NAV3: variants seen among roughly 807,000 people sequenced by gnomAD.
NAV3 encodes the protein pore membrane and/or filament interacting like protein 1.
A neutral mutation model predicts 244.7 loss-of-function variants in NAV3; 87 were observed. The observed-to-expected ratio is 0.36, with a 90% CI of 0.30 to 0.42. NAV3 has a LOEUF of 0.42. Ranked by LOEUF, NAV3 falls within the 20% of genes least tolerant of loss-of-function variation. The pLI is 1.00. For synonymous variants in NAV3, 1,126 were observed against 1,042.2 expected (o/e 1.08, Z -1.55); for missense variants, 2,663 against 2,893.3 (o/e 0.92, Z 1.83).
chr12:77,654,637 CG>C (rs1345802621), intron 2 of NAV3, among the ~76,000 whole-genome samples: 1 of 152,154 alleles, frequency 6.6e-6, no homozygotes, highest in African/African-American at 2.4e-5. Flanking sequence ...GATCTGAGAA[CG>C]GGCAGACTGC....
chr12:77,781,302 T>C (rs1184292918), intron 2 of NAV3, among the ~76,000 whole-genome samples: 1 of 152,084 alleles, frequency 6.6e-6, no homozygotes, highest in Non-Finnish European at 1.5e-5. Flanking sequence ...CCTCCTCCCT[T>C]TTGGAATTCT....
chr12:77,885,986 A>G (rs188141056), intron 1 of NAV3, among the ~76,000 whole-genome samples: 43 of 152,232 alleles, frequency 2.8e-4, no homozygotes, highest in African/African-American at 8.9e-4. Context: ...AAGCCAAACA[A>G]CAAATCTTCA....
chr12:77,684,213 T>C (rs79975382), intron 2 of NAV3, among the ~76,000 whole-genome samples: 4,557 of 152,338 alleles, frequency 0.03, 222 homozygotes, highest in African/African-American at 0.1. Flanking sequence ...TATGTGTTTA[T>C]TGGCATTCAC....
intron 2 of NAV3, among the ~76,000 whole-genome samples, chr12:77,770,974 G>A (rs1870048752): frequency 6.6e-6 from 1 of 152,054 alleles, no homozygotes; most frequent in East Asian, 1.9e-4. Flanking sequence ...GCGTGAACAG[G>A]CAACCTACAA....
intron 9 of NAV3, among the ~76,000 whole-genome samples, chr12:78,028,390 A>G (rs1878430181): frequency 6.6e-6 from 1 of 152,210 alleles, no homozygotes; most frequent in Admixed American, 6.5e-5. Context: ...GTGAAAACAT[A>G]CATTGACTAG....
At chr12:78,085,443 A>C (rs1953583534) in intron 12 of NAV3, among the ~76,000 whole-genome samples, 1 of 152,184 alleles carries the variant, frequency 6.6e-6, no homozygotes, top group African/African-American at 2.4e-5. Context: ...TCACATGCCC[A>C]AGGCCAAAAG....
intron 2 of NAV3, among the ~76,000 whole-genome samples, chr12:77,771,100 G>A (rs559558983): frequency 4.2e-4 from 64 of 152,198 alleles, no homozygotes; most frequent in South Asian, 1.2e-3. Flanking sequence ...AAAAGTGGGC[G>A]AAGGATATGA....
At chr12:77,719,215 T>C (rs1876501244) in intron 2 of NAV3, among the ~76,000 whole-genome samples, 1 of 152,154 alleles carries the variant, frequency 6.6e-6, no homozygotes. Flanking sequence ...TTTTTTGAAA[T>C]CTTTAGGGCT....
At chr12:77,585,641 G>T (rs1869568989) in intron 2 of NAV3, among the ~76,000 whole-genome samples, 1 of 152,084 alleles carries the variant, frequency 6.6e-6, no homozygotes, top group Non-Finnish European at 1.5e-5. Context: ...TCACAGTAGG[G>T]TTCGTACTCA....
intron 2 of NAV3, among the ~76,000 whole-genome samples, chr12:77,661,695 A>C (rs73133990): frequency 0.036 from 5,505 of 152,116 alleles, 129 homozygotes; most frequent in Non-Finnish European, 0.055. Context: ...TTAGAAATAT[A>C]ATCTATTTTG....
chr12:78,057,742 T>G (rs1365204369), intron 11 of NAV3, among the ~76,000 whole-genome samples: 1 of 152,172 alleles, frequency 6.6e-6, no homozygotes, highest in African/African-American at 2.4e-5. Context: ...AAACATAGCT[T>G]GTTTAAGTGA....
intron 2 of NAV3, among the ~76,000 whole-genome samples, chr12:77,676,239 C>CT (rs1476847106): frequency 6.6e-6 from 1 of 152,010 alleles, no homozygotes; most frequent in East Asian, 1.9e-4. Flanking sequence ...AATGCTCTCC[C>CT]TTCCCTTGCC....
rs1215791114 is a variant in NAV3, at chr12:78,049,977, C to G, written c.2024-16C>G. The G allele has an allele frequency of 1.9e-6, 3 of 1,557,088 alleles. No homozygotes were observed. The highest frequency in any genetic ancestry group is 1.8e-6 in the Non-Finnish European group (2 of 1,140,758). On this transcript the variant is annotated splice_polypyrimidine_tract_variant and intron_variant, in intron 9 of 39. Coordinates refer to ENST00000397909, the MANE Select transcript of NAV3 (RefSeq NM_001024383.2). ...TAAATGTCATGAATAGCAAATTTATCATATTGCTTTCCTAGGTGAAGACCC... is the reference window on the plus strand; with the variant it reads ...TAAATGTCATGAATAGCAAATTTATGATATTGCTTTCCTAGGTGAAGACCC...
chr12:77,818,383 T>C (rs527318612), intron 2 of NAV3, among the ~76,000 whole-genome samples: 4 of 152,316 alleles, frequency 2.6e-5, no homozygotes, highest in African/African-American at 9.6e-5. Context: ...TAGTCTCTAA[T>C]GAGCAATTTT....
At chr12:77,575,686 G>A (rs1312241493) in intron 2 of NAV3, among the ~76,000 whole-genome samples, 6 of 152,154 alleles carry the variant, frequency 3.9e-5, no homozygotes, top group Admixed American at 2.0e-4. Context: ...ACCTTGAACT[G>A]AAAAGCAGAG....
At chr12:77,975,531 C>T (rs950167210) in intron 5 of NAV3, among the ~76,000 whole-genome samples, 1 of 152,146 alleles carries the variant, frequency 6.6e-6, no homozygotes, top group African/African-American at 2.4e-5. Flanking sequence ...GGAAAGTCCT[C>T]ATTCAGATGA....
intron 9 of NAV3, among the ~76,000 whole-genome samples, chr12:78,042,654 G>C (rs1881063871): frequency 6.6e-6 from 1 of 152,126 alleles, no homozygotes; most frequent in South Asian, 2.1e-4. Flanking sequence ...AGCCGGGCAT[G>C]GTGGCGAGGG....
At chr12:77,672,159 C>T (rs527239416) in intron 2 of NAV3, among the ~76,000 whole-genome samples, 15 of 152,104 alleles carry the variant, frequency 9.9e-5, no homozygotes, top group Non-Finnish European at 1.8e-4. Flanking sequence ...GAAAAATGCT[C>T]AACATCACTA....
chr12:77,835,352 T>G (rs1396580567), intron 1 of NAV3, among the ~76,000 whole-genome samples: 41 of 152,230 alleles, frequency 2.7e-4, no homozygotes, highest in Admixed American at 2.4e-3. Flanking sequence ...GTACCCACAA[T>G]AGACGACTGT....
Sources: allele counts gnomAD v4.1 joint callset (sites outside exome capture counted in the v4.1 genomes callset), GRCh38; gene constraint gnomAD v4.1.1; transcripts MANE v1.5; gene names NCBI Gene and HGNC (gene_info 2026-07-23, HGNC 2026-07-21).